Variants in DEDD2 observed in about 807,000 individuals in gnomAD.
DEDD2 encodes DNA-binding death effector domain-containing protein 2.
In DEDD2, 18 loss-of-function variants were observed where a neutral mutation model predicts 28.9. That is an observed-to-expected ratio of 0.62 (90% CI 0.43 to 0.92). The LOEUF is 0.92. Among genes scored for constraint, DEDD2 ranks in the 40% least tolerant of loss-of-function variants. DEDD2 has a pLI of 0.00. For missense variants in DEDD2, 411 were observed against 463.3 expected (o/e 0.89, Z 1.04); for synonymous variants, 211 against 206.1 (o/e 1.02, Z -0.20).
At chr19:42,212,766 G>GGT (rs1447105214) in intron 3 of DEDD2, among the ~76,000 whole-genome samples, 6 of 152,028 alleles carry the variant, frequency 3.9e-5, no homozygotes, top group African/African-American at 1.4e-4. Flanking sequence ...CACCCGGCTA[G>GGT]GTTTTTTATC....
intron 3 of DEDD2, among the ~76,000 whole-genome samples, chr19:42,213,875 G>A (rs1169881565): frequency 6.6e-6 from 1 of 152,190 alleles, no homozygotes; most frequent in African/African-American, 2.4e-5. Context: ...ACAGTCTGGG[G>A]ATTTTTGAAA....
At chr19:42,213,126 T>TA (rs1201151947) in intron 3 of DEDD2, among the ~76,000 whole-genome samples, 1 of 152,022 alleles carries the variant, frequency 6.6e-6, no homozygotes, top group African/African-American at 2.4e-5. Context: ...CAAAGAATGA[T>TA]ACAAACACAT....
chr19:42,206,422 G>C (rs537432815), intron 4 of DEDD2, among the ~76,000 whole-genome samples: 2 of 152,252 alleles, frequency 1.3e-5, no homozygotes, highest in Non-Finnish European at 2.9e-5. Context: ...ATGAGGGCAA[G>C]GTCTCCCACC....
chr19:42,198,718 C>G lies in DEDD2; in HGVS notation c.*720G>C, dbSNP rs1401562875. The G allele has an allele frequency of 3.9e-5, 6 of 152,294 alleles. No homozygotes were observed. Among genetic ancestry groups the G allele is most frequent in the Non-Finnish European group, 7.3e-5 (5 of 68,102 alleles). The allele number at this position is 152,294 out of a possible 1,614,324, so 9.4% of individuals were successfully genotyped here. On this transcript the variant is annotated 3_prime_UTR_variant, in exon 5 of 5. Transcript: ENST00000596251. ...AGGTGGCTGTTTACTGGTTTTGGCC[C>G]CATGTGCAACAGTAGGCCTTGGTAT...
chr19:42,218,639 C>T (rs1042944305), upstream of DEDD2, among the ~76,000 whole-genome samples: 16 of 152,212 alleles, frequency 1.1e-4, no homozygotes, highest in Admixed American at 9.2e-4. Flanking sequence ...CTCCCTGGAC[C>T]TCTTCCCACC....
chr19:42,215,022 C>T, intron 3 of DEDD2, 111 bp downstream of exon 3: 1 of 1,462,896 alleles, frequency 6.8e-7, no homozygotes, highest in Non-Finnish European at 9.3e-7. Flanking sequence ...CACACACACA[C>T]ACACACACAG....
chr19:42,202,097 C>A, intron 4 of DEDD2: 1 of 398,704 alleles, frequency 2.5e-6, no homozygotes, highest in Admixed American at 4.4e-5. Context: ...AACAAGAGGT[C>A]CCTGCTGCAC....
chr19:42,201,754 G>A (rs1274451751), intron 4 of DEDD2: 6 of 371,664 alleles, frequency 1.6e-5, no homozygotes, highest in African/African-American at 2.1e-5. Context: ...TCCACCCAAC[G>A]CCCAGGGAAG....
intron 4 of DEDD2, among the ~76,000 whole-genome samples, chr19:42,205,038 T>TC (rs1482326722): frequency 6.6e-6 from 1 of 151,982 alleles, no homozygotes; most frequent in East Asian, 1.9e-4. Context: ...AAACAAAACA[T>TC]CAAACCAGAA....
At chr19:42,215,062 C>T in intron 3 of DEDD2, 71 bp downstream of exon 3, 3 of 1,594,026 alleles carry the variant, frequency 1.9e-6, no homozygotes, top group Middle Eastern at 2.2e-4. Context: ...CCCCTCAGGC[C>T]CCTTCCTTGA....
chr19:42,207,554 T>C (rs1209453795), intron 4 of DEDD2, among the ~76,000 whole-genome samples: 2 of 152,138 alleles, frequency 1.3e-5, no homozygotes, highest in African/African-American at 4.8e-5. Context: ...CCTGGCCTCA[T>C]GTTTCATTAG....
At chr19:42,218,300 C>A (rs1173054708), upstream of DEDD2, among the ~76,000 whole-genome samples, 2 of 149,632 alleles carry the variant, frequency 1.3e-5, no homozygotes, top group African/African-American at 4.9e-5. Context: ...CCTCATCTCA[C>A]GTTCAGGACG....
chr19:42,216,385 G>C (rs2035968812), intron 2 of DEDD2, among the ~76,000 whole-genome samples: 3 of 152,200 alleles, frequency 2.0e-5, no homozygotes, highest in African/African-American at 7.2e-5. Context: ...ACTTCCTTGT[G>C]AGATTACTGG....
Position 42,199,756 on chromosome 19 carries a change from C to A in DEDD2, c.663G>T (p.Arg221=), listed in dbSNP as rs748889716. 8 of 1,612,044 alleles carry A rather than the reference C, an allele frequency of 5.0e-6. No homozygotes were observed. The Admixed American group carries it at 1.3e-4, about 27-fold the overall frequency. Residue 221 remains arginine, a synonymous_variant, in exon 5 of 5, where the codon CGG becomes CGT. Transcript: ENST00000596251. The surrounding 1 kb of genome is among the most constrained non-coding windows in gnomAD (Gnocchi z 7.4). ...CCAGCTGCCGCGCCAGCGCCTGGGG[C>A]CGCCGGGATGCCACGCCCTGCTCCA... ...PALEQGVASR[R]PQALARQLDV...
chr19:42,217,929 C>T (rs1307194357), upstream of DEDD2, among the ~76,000 whole-genome samples: 1 of 152,050 alleles, frequency 6.6e-6, no homozygotes, highest in East Asian at 1.9e-4. Flanking sequence ...TTCCAGGTCC[C>T]TACTTCCTGC....
chr19:42,208,909 G>A (rs879787173), intron 4 of DEDD2, among the ~76,000 whole-genome samples: 2 of 152,222 alleles, frequency 1.3e-5, no homozygotes, highest in Non-Finnish European at 2.9e-5. Flanking sequence ...TCCAAACAGG[G>A]AGGTGATTAT....
chr19:42,217,033 C>T lies in DEDD2; in HGVS notation c.-26G>A, dbSNP rs1488242389. 6.4e-7 allele frequency: 1 copy of T among 1,557,874 alleles called. No homozygotes were observed. Among genetic ancestry groups the T allele is most frequent in the East Asian group, 2.4e-5 (1 of 41,304 alleles). On this transcript the variant is annotated 5_prime_UTR_variant, in exon 2 of 5. Transcript: ENST00000596251. ...TCCCGGGGGAGGGAGGCGGAACAAG[C>T]TCAGAACCCGGCCTAGAACCCACAC...
At position 42,216,758 on chromosome 19, in the gene DEDD2, G is replaced by A. The variant is rs1171219660; in HGVS notation, c.250C>T (p.Arg84Trp). 1.9e-6 allele frequency: 3 copies of A among 1,593,308 alleles called. No homozygotes were observed. Among genetic ancestry groups the A allele is most frequent in the Non-Finnish European group, 2.6e-6 (3 of 1,170,932 alleles). The change falls in exon 2 of 5, where the codon CGG becomes TGG. Residue 84 changes from arginine (R) to tryptophan (W), a missense_variant. Arg to Trp is a moderately radical substitution (Grantham distance 101, BLOSUM62 -3). Coordinates refer to ENST00000596251, the MANE Select transcript of DEDD2 (RefSeq NM_133328.4). ...RRGQCDESNL[R>W]LLGQLLRVLA... ...ACGCGCAGGAGTTGCCCCAGCAGCC[G>A]CAGGTTGCTCTCGTCGCACTGCCCG...
chr19:42,209,829 T>G lies in DEDD2; in HGVS notation c.460A>C (p.Thr154Pro), dbSNP rs1431014334. Reference protein sequence around the residue: ...QGQWETGSPPTKRQRRSRGRP... With the variant: ...QGQWETGSPPPKRQRRSRGRP... ...CCCCGACTCCGCCGCTGCCGCTTGG[T>G]TGGGGGGGAGCCTGAGGGGAAAAAA... is the stretch of plus-strand genomic sequence containing the variant. The change falls in exon 4 of 5, where the codon ACC becomes CCC. Residue 154 changes from threonine (T) to proline (P), a missense_variant. Thr to Pro is a conservative substitution (Grantham distance 38, BLOSUM62 -1). Coordinates refer to ENST00000596251, the MANE Select transcript of DEDD2 (RefSeq NM_133328.4). The G allele has an allele frequency of 6.5e-7, 1 of 1,539,892 alleles. No individual in the cohort carries two copies. Among genetic ancestry groups the G allele is most frequent in the African/African-American group, 1.4e-5 (1 of 70,566 alleles).
Sources: gnomAD v4.1 joint callset for allele counts (sites outside exome capture counted in the v4.1 genomes callset) on GRCh38, gnomAD v4.1.1 for gene constraint, Gnocchi (gnomAD v3.1) non-coding constraint, MANE v1.5 for transcripts, NCBI Gene and HGNC (gene_info 2026-07-23, HGNC 2026-07-21) for gene names.